The following AP3S2 variants were observed in gnomAD, a reference collection of about 807,000 sequenced individuals.
AP3S2 encodes adaptor related protein complex 3 subunit sigma 2.
A neutral mutation model predicts 23.4 loss-of-function variants in AP3S2; 22 were observed. The observed-to-expected ratio is 0.94, with a 90% confidence interval of 0.67 to 1.34. The LOEUF is 1.34. Ranked by LOEUF, AP3S2 falls within the 40% of genes most tolerant of loss-of-function variation. The pLI is 0.00. For missense variants in AP3S2, 241 were observed against 236.9 expected (o/e 1.02, Z -0.11); for synonymous variants, 86 against 87.1 (o/e 0.99, Z 0.07).
At chr15:89,838,693 C>G (rs1300315910) in intron 4 of AP3S2, among the ~76,000 whole-genome samples, 1 of 152,136 alleles carries the variant, frequency 6.6e-6, no homozygotes, top group Non-Finnish European at 1.5e-5. Context: ...TGCCAAATGA[C>G]TGGGATAGTC....
chr15:89,861,004 G>A (rs1264912264), intron 4 of AP3S2, among the ~76,000 whole-genome samples: 3 of 152,120 alleles, frequency 2.0e-5, no homozygotes, highest in East Asian at 1.9e-4. Context: ...TCCATTCCTG[G>A]AGACCTGCAG....
intron 4 of AP3S2, among the ~76,000 whole-genome samples, chr15:89,849,996 AG>A (rs760001046): frequency 6.6e-6 from 1 of 152,186 alleles, no homozygotes; most frequent in Non-Finnish European, 1.5e-5. Context: ...GTCCCTGCAA[AG>A]GACATGAACT....
chr15:89,889,073 A>C lies in AP3S2; in HGVS notation c.137T>G (p.Ile46Ser), dbSNP rs200273434. 1.9e-6 allele frequency: 3 copies of C among 1,614,164 alleles called. No individual in the cohort carries two copies. The highest frequency in any genetic ancestry group is 4.5e-5 in the East Asian group (2 of 44,882). ...FHLVLKRDDN[I>S]CNFLEGGSLI... The stretch of plus-strand genomic sequence containing the variant: ...CCTTCCACCCTCCAAGAAGTTACAG[A>C]TGTTGTCATCCCGCTTGAGGACTAG... Residue 46 changes from isoleucine to serine, a missense_variant, in exon 2 of 6, where the codon ATC (isoleucine) becomes AGC (serine). Ile to Ser is a moderately radical substitution (Grantham distance 142). Coordinates refer to ENST00000336418, the MANE Select transcript of AP3S2 (RefSeq NM_005829.5).
intron 3 of AP3S2, among the ~76,000 whole-genome samples, chr15:89,877,981 T>C (rs1176908214): frequency 6.6e-6 from 1 of 152,208 alleles, no homozygotes; most frequent in Non-Finnish European, 1.5e-5. Flanking sequence ...CAATATTTTT[T>C]GGTTCGTGAA....
intron 4 of AP3S2, among the ~76,000 whole-genome samples, chr15:89,851,077 C>G (rs1003145852): frequency 6.6e-6 from 1 of 152,032 alleles, no homozygotes; most frequent in Non-Finnish European, 1.5e-5. Context: ...TTGTTAAGAG[C>G]TGGAAGAAGG....
intron 2 of AP3S2, 52 bp from the exon 3 acceptor site, chr15:89,888,684 A>C: frequency 6.4e-7 from 1 of 1,552,408 alleles, no homozygotes; most frequent in Non-Finnish European, 8.8e-7. Context: ...AAACACATCA[A>C]AAAGAAACCT....
At chr15:89,867,074 C>A (rs1233904419) in intron 4 of AP3S2, among the ~76,000 whole-genome samples, 1 of 146,694 alleles carries the variant, frequency 6.8e-6, no homozygotes, top group East Asian at 2.1e-4. Context: ...TCATGCGGAG[C>A]CGAAGCTGGA....
At chr15:89,849,116 A>G (rs1290158318) in intron 4 of AP3S2, 1 of 152,232 alleles carries the variant, frequency 6.6e-6, no homozygotes, top group Non-Finnish European at 1.5e-5. Flanking sequence ...GTGTAACTAC[A>G]GTGAACAACA....
chr15:89,870,636 A>G (rs1254963338), intron 4 of AP3S2, among the ~76,000 whole-genome samples: 1 of 152,202 alleles, frequency 6.6e-6, no homozygotes, highest in Non-Finnish European at 1.5e-5. Context: ...GCAACGATGG[A>G]TCTAAAAACT....
Position 89,833,139 on chromosome 15 carries a change from G to A in AP3S2, c.*2376C>T, listed in dbSNP as rs1247369914. 1 of 152,218 alleles carries A rather than the reference G, an allele frequency of 6.6e-6. No homozygotes were observed. Among genetic ancestry groups the A allele is most frequent in the East Asian group, 1.9e-4 (1 of 5,200 alleles). 9.4% of individuals were successfully genotyped at this position (152,218 alleles called of 1,614,324 possible). On this transcript the variant is annotated 3_prime_UTR_variant, in exon 6 of 6. Transcript: ENST00000336418. The stretch of plus-strand genomic sequence containing the variant: ...ACGTAACAAACGAACTCAAGAAGAG[G>A]GATGTGGCTCTGGATTTGTGACCCT...
intron 4 of AP3S2, among the ~76,000 whole-genome samples, chr15:89,856,212 C>T (rs142417472): frequency 1.4e-3 from 219 of 152,244 alleles, no homozygotes; most frequent in Non-Finnish European, 2.8e-3. Flanking sequence ...CCGAAACTAG[C>T]CAGTATGCAC....
intron 4 of AP3S2, among the ~76,000 whole-genome samples, chr15:89,869,725 C>T (rs988525589): frequency 4.6e-5 from 7 of 151,764 alleles, no homozygotes; most frequent in South Asian, 2.1e-4. Flanking sequence ...GTGGTAACTT[C>T]GAAAGTAACA....
At chr15:89,878,196 A>C (rs1396928216) in intron 3 of AP3S2, 2 of 620,696 alleles carry the variant, frequency 3.2e-6, no homozygotes, top group Admixed American at 3.3e-5. Context: ...GGTGGTGATG[A>C]TAATAAAAAT....
intron 4 of AP3S2, among the ~76,000 whole-genome samples, chr15:89,855,941 C>A: frequency 1.1e-5 from 1 of 93,038 alleles, no homozygotes; most frequent in Non-Finnish European, 2.1e-5. Flanking sequence ...TATGATATGT[C>A]CTTTAAAAAA....
chr15:89,893,919 G>A lies in AP3S2; in HGVS notation c.31C>T (p.His11Tyr). 6.4e-7 allele frequency: 1 copy of A among 1,551,692 alleles called. No homozygotes were observed. Among genetic ancestry groups the A allele is most frequent in the Non-Finnish European group, 8.7e-7 (1 of 1,146,990 alleles). MIQAILVFNNHGKPRLVRFYQ... is the reference protein window; with the variant it reads MIQAILVFNNYGKPRLVRFYQ... ...AAGCGGACTAGCCGTGGCTTCCCAT[G>A]GTTGTTGAAAACCAGAATCGCCTGA... The change falls in exon 1 of 6, where the codon CAT becomes TAT. Residue 11 changes from histidine (H) to tyrosine (Y), a missense_variant. Physicochemically the swap from His to Tyr is moderately conservative, Grantham distance 83. Transcript: ENST00000336418.
At chr15:89,864,347 GA>G (rs1057405520) in intron 4 of AP3S2, among the ~76,000 whole-genome samples, 2 of 152,142 alleles carry the variant, frequency 1.3e-5, no homozygotes, top group East Asian at 1.9e-4. Flanking sequence ...TCAGGAACTG[GA>G]AAAAAAGCTT....
At chr15:89,871,662 T>C (rs1436435979) in intron 3 of AP3S2, 116 bp from the exon 4 acceptor site, 7 of 1,084,360 alleles carry the variant, frequency 6.5e-6, no homozygotes, top group African/African-American at 4.8e-5. Flanking sequence ...TTATGATAAA[T>C]CTCAAAAATT....
intron 4 of AP3S2, among the ~76,000 whole-genome samples, chr15:89,844,239 C>G (rs1157963018): frequency 1.2e-5 from 1 of 84,858 alleles, no homozygotes; most frequent in East Asian, 3.4e-4. Flanking sequence ...TTCTTTCTTT[C>G]TTTCTTTCTT....
chr15:89,885,094 A>G (rs932668596), intron 3 of AP3S2, among the ~76,000 whole-genome samples: 12 of 152,136 alleles, frequency 7.9e-5, no homozygotes, highest in Non-Finnish European at 1.8e-4. Context: ...AAAAAATTCT[A>G]CTGTGACCCC....
Sources: allele counts gnomAD v4.1 joint callset (sites outside exome capture counted in the v4.1 genomes callset), GRCh38; gene constraint gnomAD v4.1.1; transcripts MANE v1.5; gene names NCBI Gene and HGNC (gene_info 2026-07-23, HGNC 2026-07-21).